CREB3L2: variants seen among roughly 807,000 people sequenced by gnomAD.
CREB3L2 encodes the protein cAMP responsive element binding protein 3 like 2.
In CREB3L2, 23 loss-of-function variants were observed where a neutral mutation model predicts 57.2. The observed-to-expected ratio is 0.40, with a 90% CI of 0.29 to 0.57. CREB3L2 has a LOEUF of 0.57. Among genes scored for constraint, CREB3L2 ranks in the 20% least tolerant of loss-of-function variants. The pLI, the probability that CREB3L2 is intolerant of heterozygous loss-of-function variation, is 0.42. For missense variants in CREB3L2, 628 were observed against 634.7 expected (o/e 0.99, Z 0.11); for synonymous variants, 268 against 265.1 (o/e 1.01, Z -0.11).
intron 1 of CREB3L2, among the ~76,000 whole-genome samples, chr7:137,943,908 G>A (rs1471026217): frequency 1.3e-5 from 2 of 152,116 alleles, no homozygotes; most frequent in Non-Finnish European, 2.9e-5. Context: ...ATTCAACTAA[G>A]AGGGATCCAT....
Position 138,000,995 on chromosome 7 carries a change from C to T in CREB3L2, c.102+609G>A, listed in dbSNP as rs544498990. On this transcript the variant is annotated intron_variant, in intron 1 of 11. Coordinates refer to ENST00000330387, the MANE Select transcript of CREB3L2 (RefSeq NM_194071.4). ...CATACTCCTCTGCTGGTTTTTCCTC[C>T]GAAGAGGGAGGAAGGAGACTTCTTG... Among the ~76,000 whole-genome samples, 112 of 150,990 alleles carry T rather than the reference C, an allele frequency of 7.4e-4. 1 individual carries two copies. The highest frequency in any genetic ancestry group is 2.7e-3 in the African/African-American group (110 of 41,266).
intron 7 of CREB3L2, among the ~76,000 whole-genome samples, chr7:137,902,194 C>CAAA (rs58506555): frequency 2.4e-5 from 2 of 84,954 alleles, no homozygotes; most frequent in African/African-American, 3.6e-5. Context: ...ACTCTGTCTC[C>CAAA]AAAAAAAAAA....
intron 1 of CREB3L2, among the ~76,000 whole-genome samples, chr7:137,985,724 C>A (rs1216973892): frequency 1.3e-5 from 2 of 152,194 alleles, no homozygotes; most frequent in East Asian, 3.9e-4. Flanking sequence ...AGTGCTAACA[C>A]CTGCTGCCAA....
intron 2 of CREB3L2, chr7:137,922,494 ACAC>A (rs1800352930): frequency 4.2e-6 from 1 of 239,982 alleles, no homozygotes; most frequent in African/African-American, 2.4e-5. Context: ...ATACACACAC[ACAC>A]ACACACACAC....
At chr7:137,960,546 T>C (rs1227924974) in intron 1 of CREB3L2, among the ~76,000 whole-genome samples, 2 of 152,278 alleles carry the variant, frequency 1.3e-5, no homozygotes, top group African/African-American at 2.4e-5. Flanking sequence ...ATCAGGAATA[T>C]ATAACAGTTA....
chr7:137,926,421 G>A lies in CREB3L2; in HGVS notation c.319+1729C>T, dbSNP rs28644483. 2.2e-3 allele frequency among the ~76,000 whole-genome samples: 337 copies of A among 152,304 alleles called. 1 individual carries two copies. Among genetic ancestry groups the A allele is most frequent in the African/African-American group, 7.3e-3 (302 of 41,562 alleles). On this transcript the variant is annotated intron_variant, in intron 2 of 11. Coordinates refer to ENST00000330387, the MANE Select transcript of CREB3L2 (RefSeq NM_194071.4). ...CAGCCATAAAAAAGAATGAGTGCAT[G>A]TCCTTTGCAGGGGCATGGATGACGC...
chr7:137,990,022 A>T (rs1801860707), intron 1 of CREB3L2, among the ~76,000 whole-genome samples: 1 of 152,224 alleles, frequency 6.6e-6, no homozygotes, highest in Non-Finnish European at 1.5e-5. Context: ...TCTGCCGTCC[A>T]GTCCATCCTT....
chr7:137,934,543 T>A (rs547136671), intron 1 of CREB3L2, among the ~76,000 whole-genome samples: 2 of 152,202 alleles, frequency 1.3e-5, no homozygotes, highest in African/African-American at 4.8e-5. Flanking sequence ...CTAGCCCATG[T>A]TCAGCCAGTT....
At chr7:137,969,340 CTTTTTTTTTTT>C (rs71177936) in intron 1 of CREB3L2, among the ~76,000 whole-genome samples, 12 of 77,070 alleles carry the variant, frequency 1.6e-4, no homozygotes, top group Non-Finnish European at 2.6e-4. Flanking sequence ...TTATGATCTT[CTTTTTTTTTTT>C]TTTTTTTTTT....
intron 1 of CREB3L2, among the ~76,000 whole-genome samples, chr7:137,987,214 CA>C (rs1801807389): frequency 6.6e-6 from 1 of 152,114 alleles, no homozygotes. Flanking sequence ...TCTTTGGTTA[CA>C]AAAAATATAT....
intron 1 of CREB3L2, among the ~76,000 whole-genome samples, chr7:137,960,715 AACT>A (rs1396709666): frequency 6.6e-6 from 1 of 152,168 alleles, no homozygotes; most frequent in Admixed American, 6.5e-5. Flanking sequence ...GCCATAGTAC[AACT>A]ACTACAGAAG....
At chr7:137,981,171 T>C (rs1801704483) in intron 1 of CREB3L2, among the ~76,000 whole-genome samples, 1 of 151,190 alleles carries the variant, frequency 6.6e-6, no homozygotes, top group South Asian at 2.1e-4. Context: ...CCTGCGTGAA[T>C]GAAAGAAAGA....
rs1799248404 is a variant in CREB3L2, at chr7:137,879,795, G to A, written c.*681C>T. The A allele has an allele frequency of 4.2e-6, 1 of 235,398 alleles. No homozygotes were observed. Among genetic ancestry groups the A allele is most frequent in the South Asian group, 1.8e-4 (1 of 5,662 alleles). The allele number at this position is 235,398 out of a possible 1,614,324, so 14.6% of individuals were successfully genotyped here. On this transcript the variant is annotated 3_prime_UTR_variant, in exon 12 of 12. Transcript: ENST00000330387. ...TGGGGAGGCAGAACTATGGATGTGT[G>A]GGGAACCAGGTTGTGGGAGGTCCTA...
chr7:138,000,693 C>G (rs1024769702), intron 1 of CREB3L2, among the ~76,000 whole-genome samples: 5 of 152,142 alleles, frequency 3.3e-5, no homozygotes, highest in Non-Finnish European at 5.9e-5. Context: ...CACCCCAGCC[C>G]CACCCCCATT....
In CREB3L2 at chr7:137,878,926, G is replaced by T; in HGVS notation, c.*1550C>A. 2.5e-6 allele frequency: 1 copy of T among 402,366 alleles called. No individual in the cohort carries two copies. Among genetic ancestry groups the T allele is most frequent in the South Asian group, 2.4e-5 (1 of 40,836 alleles). The allele number at this position is 402,366 out of a possible 1,614,324, so 24.9% of individuals were successfully genotyped here. ...TGACGTGTGTGGGGGTGGGTGGTGG[G>T]GGGAGAGAGAGAAGGAGAGACAGAG... is the stretch of plus-strand genomic sequence containing the variant. On this transcript the variant is annotated 3_prime_UTR_variant, in exon 12 of 12. Coordinates refer to ENST00000330387, the MANE Select transcript of CREB3L2 (RefSeq NM_194071.4).
chr7:137,994,300 C>G (rs1335637703), intron 1 of CREB3L2, among the ~76,000 whole-genome samples: 1 of 152,204 alleles, frequency 6.6e-6, no homozygotes, highest in African/African-American at 2.4e-5. Context: ...GCACATGTGC[C>G]CTCATCAATA....
At chr7:137,973,135 T>C (rs188962445) in intron 1 of CREB3L2, among the ~76,000 whole-genome samples, 1 of 150,498 alleles carries the variant, frequency 6.6e-6, no homozygotes, top group East Asian at 2.0e-4. Flanking sequence ...AACCTGCACA[T>C]TGTGCACATG....
At chr7:137,903,902 C>G in intron 7 of CREB3L2, 57 bp downstream of exon 7, 1 of 1,379,280 alleles carries the variant, frequency 7.3e-7, no homozygotes, top group Non-Finnish European at 1.0e-6. Context: ...TCTCCGCACA[C>G]CCATATTTCC....
intron 8 of CREB3L2, among the ~76,000 whole-genome samples, chr7:137,898,273 T>C (rs273943): frequency 0.78 from 119,150 of 152,194 alleles, 47,416 homozygotes; most frequent in African/African-American, 0.93. Context: ...GTGTTGGCAA[T>C]GGTGTGGAGA....
Sources: allele counts gnomAD v4.1 joint callset (sites outside exome capture counted in the v4.1 genomes callset), GRCh38; gene constraint gnomAD v4.1.1; transcripts MANE v1.5; gene names NCBI Gene and HGNC (gene_info 2026-07-23, HGNC 2026-07-21).